The following NT5DC1 variants were observed in gnomAD, a reference collection of about 807,000 sequenced individuals.
NT5DC1 encodes 5'-nucleotidase domain-containing protein 1.
Under a neutral mutation model 59.4 loss-of-function variants are expected in NT5DC1, and 42 were observed. The observed-to-expected ratio is 0.71, with a 90% CI of 0.55 to 0.92. NT5DC1 has a LOEUF of 0.92. NT5DC1 is among the 40% of genes least tolerant of loss of function. NT5DC1 has a pLI of 0.00. For synonymous variants in NT5DC1, 172 were observed against 188.1 expected (o/e 0.91, Z 0.70); for missense variants, 501 against 537.1 (o/e 0.93, Z 0.66).
At chr6:116,242,141 C>T (rs1771745228) in intron 11 of NT5DC1, among the ~76,000 whole-genome samples, 2 of 151,574 alleles carry the variant, frequency 1.3e-5, no homozygotes, top group South Asian at 2.1e-4. Context: ...GAGGCGGAGG[C>T]GGGCGGATCA....
intron 6 of NT5DC1, among the ~76,000 whole-genome samples, chr6:116,214,382 C>T (rs985865067): frequency 4.6e-5 from 7 of 152,076 alleles, no homozygotes; most frequent in African/African-American, 1.7e-4. Context: ...CAGATTTGAG[C>T]ATTTTTATCA....
intron 6 of NT5DC1, among the ~76,000 whole-genome samples, chr6:116,128,123 G>A (rs940445362): frequency 3.3e-5 from 5 of 152,058 alleles, no homozygotes; most frequent in African/African-American, 1.2e-4. Context: ...CTTCTTTTAG[G>A]GATATGTAAA....
At chr6:116,201,796 G>T (rs1367419453) in intron 6 of NT5DC1, among the ~76,000 whole-genome samples, 1 of 151,980 alleles carries the variant, frequency 6.6e-6, no homozygotes, top group African/African-American at 2.4e-5. Flanking sequence ...CTTCTAGCCT[G>T]CACTGAAGCC....
intron 6 of NT5DC1, among the ~76,000 whole-genome samples, chr6:116,174,810 A>T (rs1441302895): frequency 6.6e-6 from 1 of 152,206 alleles, no homozygotes; most frequent in Non-Finnish European, 1.5e-5. Context: ...CACTGGTACC[A>T]TAAAGCATGG....
At chr6:116,233,306 T>G (rs934254245) in intron 8 of NT5DC1, among the ~76,000 whole-genome samples, 1 of 152,242 alleles carries the variant, frequency 6.6e-6, no homozygotes, top group African/African-American at 2.4e-5. Context: ...AATAATAAAC[T>G]ATAAAATTCA....
At chr6:116,107,831 C>A in intron 2 of NT5DC1, among the ~76,000 whole-genome samples, 1 of 152,110 alleles carries the variant, frequency 6.6e-6, no homozygotes, top group East Asian at 1.9e-4. Flanking sequence ...CTCGGCCTCC[C>A]AAAGTGCTGG....
At chr6:116,238,424 G>T in intron 10 of NT5DC1, 76 bp downstream of exon 10, 3 of 870,610 alleles carry the variant, frequency 3.4e-6, no homozygotes, top group Non-Finnish European at 4.7e-6. Flanking sequence ...TATACTACTT[G>T]ACTCCAAAAT....
intron 6 of NT5DC1, among the ~76,000 whole-genome samples, chr6:116,188,411 A>G (rs1211300699): frequency 6.6e-6 from 1 of 152,078 alleles, no homozygotes; most frequent in Non-Finnish European, 1.5e-5. Flanking sequence ...AATATCCCTC[A>G]ATAGTGCAGT....
intron 6 of NT5DC1, among the ~76,000 whole-genome samples, chr6:116,132,823 C>T (rs1347547148): frequency 2.0e-5 from 3 of 152,088 alleles, no homozygotes; most frequent in Non-Finnish European, 2.9e-5. Flanking sequence ...TTAGTCAGGG[C>T]ACCTTCCACC....
At chr6:116,224,941 G>A (rs1781878670) in intron 8 of NT5DC1, among the ~76,000 whole-genome samples, 1 of 152,124 alleles carries the variant, frequency 6.6e-6, no homozygotes, top group Non-Finnish European at 1.5e-5. Context: ...GGTCCAGAGC[G>A]ACAGTACTGG....
chr6:116,176,712 T>G (rs1780742223), intron 6 of NT5DC1, among the ~76,000 whole-genome samples: 1 of 152,178 alleles, frequency 6.6e-6, no homozygotes, highest in South Asian at 2.1e-4. Context: ...CTGCCCTTCC[T>G]CCAGCTGCTT....
chr6:116,167,850 A>G (rs1780510314), intron 6 of NT5DC1, among the ~76,000 whole-genome samples: 1 of 152,058 alleles, frequency 6.6e-6, no homozygotes, highest in African/African-American at 2.4e-5. Context: ...ATATCTGTGT[A>G]TTGGATGTTG....
rs137926497 is a variant in NT5DC1 at position 116,239,509 on chromosome 6, A to G, written c.1252+386A>G. On this transcript the variant is annotated intron_variant, in intron 11 of 11. Transcript: ENST00000319550. ...AACTTCATGAATCTACAGGAATAGG[A>G]ACTGGAGGAGAGGGCCTGCCTAAGG... is the stretch of plus-strand genomic sequence containing the variant. Among the ~76,000 whole-genome samples, 273 of 152,250 alleles carry G rather than the reference A, an allele frequency of 1.8e-3. 1 individual carries two copies. Among genetic ancestry groups the G allele is most frequent in the African/African-American group, 6.2e-3 (258 of 41,546 alleles).
chr6:116,108,565 T>A (rs1015889252), intron 3 of NT5DC1, 130 bp downstream of exon 3: 2 of 628,816 alleles, frequency 3.2e-6, no homozygotes, highest in Admixed American at 5.3e-5. Flanking sequence ...ATTGTCTGTC[T>A]ACATGTCTTT....
chr6:116,103,523 G>C (rs1380405688), intron 1 of NT5DC1, among the ~76,000 whole-genome samples: 1 of 152,004 alleles, frequency 6.6e-6, no homozygotes. Flanking sequence ...GGAGAGGAGT[G>C]CTTCACCCAG....
At chr6:116,173,752 A>G (rs776870741) in intron 6 of NT5DC1, among the ~76,000 whole-genome samples, 4 of 152,234 alleles carry the variant, frequency 2.6e-5, no homozygotes, top group Admixed American at 6.5e-5. Context: ...TAAAGACAAT[A>G]TAGAGTGATC....
chr6:116,224,060 T>C (rs1442639648), intron 8 of NT5DC1, among the ~76,000 whole-genome samples: 2 of 152,206 alleles, frequency 1.3e-5, no homozygotes, highest in Admixed American at 6.5e-5. Context: ...TTGATTCATA[T>C]GCTTGGCATT....
At chr6:116,106,758 C>A (rs1028740118) in intron 2 of NT5DC1, among the ~76,000 whole-genome samples, 1 of 152,182 alleles carries the variant, frequency 6.6e-6, no homozygotes, top group African/African-American at 2.4e-5. Flanking sequence ...GCTTTTCTGT[C>A]ATTTAGTTCG....
rs556661451 is a variant in NT5DC1, at chr6:116,125,269, A to C, written c.529+7324A>C. 4.2e-5 allele frequency: 65 copies of C among 1,545,264 alleles called. No individual in the cohort carries two copies. In the East Asian group the frequency reaches 1.5e-3, roughly 35 times the overall value. ...CACCAAAGTTAAATGCATTTTGTTAAAGAGATTATTAAGATTATAGAAAGC... is the reference window on the plus strand; with the variant it reads ...CACCAAAGTTAAATGCATTTTGTTACAGAGATTATTAAGATTATAGAAAGC... On this transcript the variant is annotated intron_variant, in intron 6 of 11. Coordinates refer to ENST00000319550, the MANE Select transcript of NT5DC1 (RefSeq NM_152729.3).
Sources: gnomAD v4.1 joint callset for allele counts (sites outside exome capture counted in the v4.1 genomes callset) on GRCh38, gnomAD v4.1.1 for gene constraint, MANE v1.5 for transcripts, NCBI Gene and HGNC (gene_info 2026-07-23, HGNC 2026-07-21) for gene names.